Variants in N4BP2L2 observed in about 807,000 individuals in gnomAD.
The protein encoded by N4BP2L2 is NEDD4 binding protein 2 like 2.
A neutral mutation model predicts 56.2 loss-of-function variants in N4BP2L2; 50 were observed. The observed-to-expected ratio is 0.89, with a 90% CI of 0.71 to 1.13. The LOEUF (loss-of-function observed/expected upper bound fraction) is 1.13, where lower values mean the gene tolerates loss of function less well. Ranked by LOEUF, N4BP2L2 falls within the 50% of genes most tolerant of loss-of-function variation. The pLI, the probability that N4BP2L2 is intolerant of heterozygous loss-of-function variation, is 0.00. For missense variants in N4BP2L2, 689 were observed against 693.8 expected, an observed-to-expected ratio of 0.99 and a Z score of 0.08; for synonymous variants, 203 against 223.6, an observed-to-expected ratio of 0.91 and a Z score of 0.82.
intron 6 of N4BP2L2, among the ~76,000 whole-genome samples, chr13:32,502,054 C>T (rs1484504068): frequency 2.7e-5 from 4 of 148,830 alleles, no homozygotes; most frequent in Non-Finnish European, 4.4e-5. Flanking sequence ...TCTAGACCTA[C>T]TACAGCATTT....
rs573836529 is a variant in N4BP2L2, at chr13:32,496,190, A to G, written c.365+21667T>C. On this transcript the variant is annotated intron_variant, in intron 6 of 9. Coordinates refer to the N4BP2L2 transcript ENST00000357505. ...TTCTGAAAAAAGGCATATGCAACCA[A>G]GCTACCTATTTTTTATTTTTTTTTT... is the stretch of plus-strand genomic sequence containing the variant. Among the ~76,000 whole-genome samples the G allele has an allele frequency of 1.5e-4, 22 of 149,394 alleles. No individual in the cohort carries two copies. The South Asian group carries it at 1.7e-3, about 11-fold the overall frequency.
exon 6 of N4BP2L2, chr13:32,514,734 CTT>C (rs1296521404): frequency 6.6e-6 from 1 of 152,208 alleles, no homozygotes; most frequent in African/African-American, 2.4e-5. Flanking sequence ...CAAGCAATGA[CTT>C]TAAACAGTGA....
At chr13:32,519,533 GTA>G (rs1275399456) in intron 5 of N4BP2L2, among the ~76,000 whole-genome samples, 1 of 152,130 alleles carries the variant, frequency 6.6e-6, no homozygotes, top group East Asian at 1.9e-4. Flanking sequence ...GCAGGTGCCT[GTA>G]TGCCCAGCTA....
At chr13:32,435,242 A>AT (rs1010011768) in intron 9 of N4BP2L2, among the ~76,000 whole-genome samples, 1 of 151,300 alleles carries the variant, frequency 6.6e-6, no homozygotes, top group Non-Finnish European at 1.5e-5. Flanking sequence ...TTGCTGAATA[A>AT]TTTTTTTTTG....
chr13:32,529,731 C>CT (rs1267636694), intron 2 of N4BP2L2, among the ~76,000 whole-genome samples: 96 of 126,594 alleles, frequency 7.6e-4, no homozygotes, highest in South Asian at 1.5e-3. Context: ...CTTTTCTTTT[C>CT]TTTTTTTTTT....
intron 2 of N4BP2L2, among the ~76,000 whole-genome samples, chr13:32,527,928 T>C (rs964108363): frequency 6.6e-6 from 1 of 152,070 alleles, no homozygotes; most frequent in Non-Finnish European, 1.5e-5. Flanking sequence ...TGTGCCACCA[T>C]GCCTGGCTAA....
intron 6 of N4BP2L2, among the ~76,000 whole-genome samples, chr13:32,455,548 G>A (rs1250782784): frequency 6.6e-6 from 1 of 152,162 alleles, no homozygotes; most frequent in African/African-American, 2.4e-5. Flanking sequence ...CACATGCCGA[G>A]GACAGGTCCC....
intron 6 of N4BP2L2, among the ~76,000 whole-genome samples, chr13:32,454,815 A>G (rs2078688203): frequency 1.3e-5 from 2 of 152,206 alleles, no homozygotes; most frequent in African/African-American, 4.8e-5. Flanking sequence ...AGCATTTAAG[A>G]GAGAACACTG....
At chr13:32,491,529 T>C (rs544464618) in intron 6 of N4BP2L2, among the ~76,000 whole-genome samples, 1 of 147,868 alleles carries the variant, frequency 6.8e-6, no homozygotes. Context: ...GAAAAAACTA[T>C]ATAAACTATA....
At chr13:32,529,378 G>A (rs2053977728) in intron 2 of N4BP2L2, among the ~76,000 whole-genome samples, 1 of 152,172 alleles carries the variant, frequency 6.6e-6, no homozygotes, top group Admixed American at 6.5e-5. Context: ...GTAAATTAAT[G>A]GGTTGGGTTG....
rs757775712 is a variant in N4BP2L2, at chr13:32,527,575, A to G, written c.1260-43T>C. On this transcript the variant is annotated intron_variant, in intron 2 of 5. Coordinates refer to ENST00000267068, the Ensembl canonical transcript of N4BP2L2. ...CATAAAGGTGCCATTTACAAAATCT[A>G]TAACCATCAGAAATAAACTATCAGA... 3 of 1,595,592 alleles carry G rather than the reference A, an allele frequency of 1.9e-6. No individual in the cohort carries two copies. In the South Asian group the frequency reaches 3.3e-5, roughly 18 times the overall value.
chr13:32,446,345 A>G (rs750974831), intron 6 of N4BP2L2: 1 of 1,364,126 alleles, frequency 7.3e-7, no homozygotes, highest in South Asian at 1.1e-5. Context: ...ACTCTCCTTC[A>G]TGGCCAGTTC....
At chr13:32,450,899 T>TC (rs2077897477) in intron 6 of N4BP2L2, among the ~76,000 whole-genome samples, 1 of 129,034 alleles carries the variant, frequency 7.7e-6, no homozygotes, top group South Asian at 3.1e-4. Context: ...TCTCTCTCTC[T>TC]TTCTGACGTG....
Position 32,447,057 on chromosome 13 carries a change from T to C in N4BP2L2, c.366-2931A>G, listed in dbSNP as rs139370549. Among the ~76,000 whole-genome samples, 71 of 152,290 alleles carry C rather than the reference T, an allele frequency of 4.7e-4. No individual in the cohort carries two copies. The East Asian group carries it at 0.013, about 28-fold the overall frequency. ...AGAGAAAATTGTACAAAACATTTCC[T>C]TCTCTCTTTTTCTTCCTCCTCTCAT... On this transcript the variant is annotated intron_variant, in intron 6 of 9. Coordinates refer to the N4BP2L2 transcript ENST00000357505.
intron 5 of N4BP2L2, among the ~76,000 whole-genome samples, chr13:32,519,983 T>A (rs1259027692): frequency 6.6e-6 from 1 of 152,168 alleles, no homozygotes; most frequent in African/African-American, 2.4e-5. Context: ...CTCTTCCACC[T>A]CAGGTATGAT....
exon 2 of N4BP2L2, chr13:32,535,853 A>G (rs762136552): frequency 2.5e-6 from 4 of 1,614,128 alleles, no homozygotes; most frequent in Non-Finnish European, 3.4e-6. Flanking sequence ...TTCCTCTTGA[A>G]ACTGCTGGTT....
rs116431269 is a variant in N4BP2L2 at position 32,536,678 on chromosome 13, T to C, written c.350A>G (p.Tyr117Cys). The stretch of plus-strand genomic sequence containing the variant: ...TCCTATAAATGCTTTACTTGTGCTA[T>C]ATATCTCATCGTCTGCGGATACTAA... The change falls in exon 2 of 6, where the codon TAT becomes TGT. Residue 117 changes from tyrosine to cysteine, a missense_variant. Coordinates refer to ENST00000267068, the Ensembl canonical transcript of N4BP2L2. The C allele has an allele frequency of 8.1e-4, 1,311 of 1,614,168 alleles. 10 individuals carry two copies. The African/African-American group carries it at 0.016, about 20-fold the overall frequency.
chr13:32,481,174 T>C (rs1357698249), intron 6 of N4BP2L2, among the ~76,000 whole-genome samples: 1 of 150,384 alleles, frequency 6.6e-6, no homozygotes, highest in Non-Finnish European at 1.5e-5. Flanking sequence ...GATTGTGTTC[T>C]GCCTTTAAAA....
At chr13:32,482,786 G>A (rs754369881) in intron 6 of N4BP2L2, among the ~76,000 whole-genome samples, 2 of 152,048 alleles carry the variant, frequency 1.3e-5, no homozygotes, top group Non-Finnish European at 2.9e-5. Flanking sequence ...GACACCATTT[G>A]GTAAAAGTTT....
Sources: gnomAD v4.1 joint callset for allele counts (sites outside exome capture counted in the v4.1 genomes callset) on GRCh38, gnomAD v4.1.1 for gene constraint, MANE v1.5 for transcripts, NCBI Gene and HGNC (gene_info 2026-07-23, HGNC 2026-07-21) for gene names.